SCUBE1: variants seen among roughly 807,000 people sequenced by gnomAD.
The protein encoded by SCUBE1 is signal peptide, CUB domain and EGF like domain containing 1.
Under a neutral mutation model 124.4 loss-of-function variants are expected in SCUBE1, and 59 were observed. The observed-to-expected ratio is 0.47, with a 90% CI of 0.38 to 0.59. SCUBE1 has a LOEUF of 0.59. Ranked by LOEUF, SCUBE1 falls within the 20% of genes least tolerant of loss-of-function variation. The pLI is 0.00. For missense variants in SCUBE1, 1,150 were observed against 1,371.2 expected (o/e 0.84, Z 2.55); for synonymous variants, 545 against 550.9 (o/e 0.99, Z 0.15).
chr22:43,232,155 G>A, intron 7 of SCUBE1: 1 of 435,978 alleles, frequency 2.3e-6, no homozygotes, highest in South Asian at 2.8e-5. Context: ...ATTGAGTAGA[G>A]AGGAACTGAT....
intron 3 of SCUBE1, among the ~76,000 whole-genome samples, chr22:43,300,773 G>A (rs533587479): frequency 6.6e-4 from 100 of 151,806 alleles, no homozygotes; most frequent in Non-Finnish European, 1.2e-3. Context: ...CTCTTCCCTC[G>A]CCCCCACCCC....
Position 43,198,662 on chromosome 22 carries a change from G to A in SCUBE1, c.*5335C>T, listed in dbSNP as rs761457262. 4.4e-6 allele frequency: 2 copies of A among 456,622 alleles called. No homozygotes were observed. Among genetic ancestry groups the A allele is most frequent in the South Asian group, 1.5e-5 (1 of 64,574 alleles). 28.3% of individuals were successfully genotyped at this position (456,622 alleles called of 1,614,324 possible). A position where few individuals can be genotyped will look rare whatever the true frequency, so the allele number is the denominator to read the frequency against. On this transcript the variant is annotated 3_prime_UTR_variant, in exon 22 of 22. Coordinates refer to ENST00000360835, the MANE Select transcript of SCUBE1 (RefSeq NM_173050.5). ...TGGTGAAAAGGGACCTCAATGTCAG[G>A]TGCAGTTTGCCAGGGTGACCAGACT...
At chr22:43,321,046 C>T (rs760351966) in intron 2 of SCUBE1, among the ~76,000 whole-genome samples, 1 of 152,184 alleles carries the variant, frequency 6.6e-6, no homozygotes, top group African/African-American at 2.4e-5. Flanking sequence ...CCTCCAGAGG[C>T]TCCGAGACAC....
chr22:43,221,253 A>T lies in SCUBE1; in HGVS notation c.1469T>A (p.Phe490Tyr). The T allele has an allele frequency of 6.2e-7, 1 of 1,611,526 alleles. No homozygotes were observed. Among genetic ancestry groups the T allele is most frequent in the Non-Finnish European group, 8.5e-7 (1 of 1,179,922 alleles). Residue 490 changes from phenylalanine to tyrosine, a missense_variant, in exon 13 of 22, where the codon TTC (phenylalanine) becomes TAC (tyrosine). Phe to Tyr is a conservative substitution (Grantham distance 22). Coordinates refer to ENST00000360835, the MANE Select transcript of SCUBE1 (RefSeq NM_173050.5). ...PTTPIKQKAR[F>Y]KIRDAKCHLR... ...GTGGCACTTGGCATCTCGGATCTTG[A>T]AGCGGGCCTTCTGTTTGATGGGGGT...
chr22:43,218,256 G>C lies in SCUBE1; in HGVS notation c.1890C>G (p.Cys630Trp), dbSNP rs570310016. The change falls in exon 15 of 22, where the codon TGC becomes TGG. Residue 630 changes from cysteine (C) to tryptophan (W), a missense_variant and splice_region_variant. Physicochemically the swap from Cys to Trp is radical, Grantham distance 215. Coordinates refer to ENST00000360835, the MANE Select transcript of SCUBE1 (RefSeq NM_173050.5). ...GAGTGGCCATGGGCAAGGACTCACC[G>C]CATTTGCTGTCCTGTAGCACCTGGC... is the stretch of plus-strand genomic sequence containing the variant. ...GAGQVLQDSK[C>W]VACGPGTHFG... is the part of the protein sequence containing the mutation. The C allele has an allele frequency of 6.2e-7, 1 of 1,612,736 alleles. No homozygotes were observed. Among genetic ancestry groups the C allele is most frequent in the South Asian group, 1.1e-5 (1 of 91,076 alleles).
chr22:43,269,729 G>A (rs1311435547), intron 4 of SCUBE1, among the ~76,000 whole-genome samples: 4 of 152,188 alleles, frequency 2.6e-5, no homozygotes, highest in Non-Finnish European at 5.9e-5. Flanking sequence ...GGGTGGCAGG[G>A]GGAGGAGGCG....
Position 43,202,870 on chromosome 22 carries a change from T to TGTG in SCUBE1, c.*1124_*1126dup, listed in dbSNP as rs1238387412. On this transcript the variant is annotated 3_prime_UTR_variant, in exon 22 of 22. Transcript: ENST00000360835. ...CCTCACTGGCCGCTCTGAGGCTCCT[T>TGTG]GTGGTGGTACAGCCTGTGCTCCTGT... 1 of 152,284 alleles carries TGTG rather than the reference T, an allele frequency of 6.6e-6. No individual in the cohort carries two copies. Among genetic ancestry groups the TGTG allele is most frequent in the Non-Finnish European group, 1.5e-5 (1 of 68,170 alleles). The allele number at this position is 152,284 out of a possible 1,614,324, so 9.4% of individuals were successfully genotyped here.
At chr22:43,247,550 C>T (rs1303767548) in intron 6 of SCUBE1, among the ~76,000 whole-genome samples, 1 of 152,186 alleles carries the variant, frequency 6.6e-6, no homozygotes, top group East Asian at 1.9e-4. Context: ...CAGGAAATCT[C>T]GCCTCAGGAA....
chr22:43,218,489 C>T (rs534574019), intron 14 of SCUBE1, 31 bp from the exon 15 acceptor site: 18 of 1,599,018 alleles, frequency 1.1e-5, no homozygotes, highest in African/African-American at 1.3e-5. Context: ...GAACATGAAT[C>T]GCTGGCAACC....
At chr22:43,231,716 G>T in intron 8 of SCUBE1, 37 bp downstream of exon 8, 3 of 1,543,790 alleles carry the variant, frequency 1.9e-6, no homozygotes, top group Non-Finnish European at 2.6e-6. Context: ...CGATCCCGCT[G>T]GGCCCGAGAG....
At chr22:43,229,038 G>A (rs369081726) in intron 9 of SCUBE1, 34 bp downstream of exon 9, 43 of 1,506,146 alleles carry the variant, frequency 2.9e-5, no homozygotes, top group Non-Finnish European at 7.3e-6. Context: ...GCGTGCCTCG[G>A]GGGGGAGGTG....
intron 3 of SCUBE1, among the ~76,000 whole-genome samples, chr22:43,319,482 G>A (rs1431076970): frequency 4.3e-5 from 6 of 139,948 alleles, no homozygotes; most frequent in African/African-American, 8.1e-5. Flanking sequence ...AGAATCACTT[G>A]AACCCAGGAG....
chr22:43,264,016 G>A (rs1386146266), intron 4 of SCUBE1, among the ~76,000 whole-genome samples: 1 of 152,164 alleles, frequency 6.6e-6, no homozygotes, highest in African/African-American at 2.4e-5. Context: ...CTTAACAGCC[G>A]GCAGGGGTGG....
intron 6 of SCUBE1, among the ~76,000 whole-genome samples, chr22:43,242,135 C>G (rs887849148): frequency 2.0e-5 from 3 of 152,228 alleles, no homozygotes; most frequent in Non-Finnish European, 2.9e-5. Context: ...GAAGTGAGGG[C>G]TGGGGACTGA....
chr22:43,214,592 G>T (rs1921727608), intron 15 of SCUBE1, among the ~76,000 whole-genome samples: 1 of 152,194 alleles, frequency 6.6e-6, no homozygotes, highest in Non-Finnish European at 1.5e-5. Context: ...TTAGCAAACT[G>T]CCTCCTGGAT....
chr22:43,257,553 G>A (rs1016857173), intron 6 of SCUBE1, among the ~76,000 whole-genome samples: 1 of 152,222 alleles, frequency 6.6e-6, no homozygotes, highest in East Asian at 1.9e-4. Context: ...AAGACTCCAC[G>A]TGACAGGTGA....
At chr22:43,315,074 G>C (rs6519367) in intron 3 of SCUBE1, among the ~76,000 whole-genome samples, 56,472 of 151,658 alleles carry the variant, frequency 0.37, 11,793 homozygotes, top group Non-Finnish European at 0.48. Context: ...AATTTAATAA[G>C]AACAAATGAT....
At chr22:43,326,495 T>C (rs73889209) in intron 2 of SCUBE1, among the ~76,000 whole-genome samples, 8,063 of 152,160 alleles carry the variant, frequency 0.053, 709 homozygotes, top group African/African-American at 0.18. Context: ...GGTTAAGCTC[T>C]GGGTTTGTAA....
intron 14 of SCUBE1, among the ~76,000 whole-genome samples, chr22:43,219,740 G>A (rs1318473575): frequency 6.6e-6 from 1 of 152,132 alleles, no homozygotes; most frequent in South Asian, 2.1e-4. Flanking sequence ...CTCCCAGACT[G>A]CTGGGATTAC....
Sources: allele counts gnomAD v4.1 joint callset (sites outside exome capture counted in the v4.1 genomes callset), GRCh38; gene constraint gnomAD v4.1.1; transcripts MANE v1.5; gene names NCBI Gene and HGNC (gene_info 2026-07-23, HGNC 2026-07-21).